Variants in SH2D1A observed in about 807,000 individuals in gnomAD.
SH2D1A encodes SH2 domain-containing protein 1A.
A neutral mutation model predicts 10.1 loss-of-function variants in SH2D1A; 6 were observed. That is an observed-to-expected ratio of 0.60 (90% CI 0.33 to 1.18). The LOEUF (loss-of-function observed/expected upper bound fraction) is 1.18. Among genes scored for constraint, SH2D1A ranks in the 50% most tolerant of loss-of-function variants. The pLI, the probability that SH2D1A is intolerant of heterozygous loss-of-function variation, is 0.04. For synonymous variants in SH2D1A, 42 were observed against 36.9 expected, an observed-to-expected ratio of 1.14 and a Z score of -0.51; for missense variants, 51 against 97.6, an observed-to-expected ratio of 0.52 and a Z score of 2.01.
chrX:124,352,779 T>C (rs539769001), intron 1 of SH2D1A, among the ~76,000 whole-genome samples: 1 of 111,470 alleles, frequency 9.0e-6, no homozygotes, highest in African/African-American at 3.3e-5. Context: ...TTTTGATAGA[T>C]ACCCTGTAGT....
chrX:124,347,167 A>G (rs957946038), intron 1 of SH2D1A, among the ~76,000 whole-genome samples: 1 of 111,512 alleles, frequency 9.0e-6, no homozygotes, highest in Non-Finnish European at 1.9e-5. Context: ...CTCTCTTTAA[A>G]CGACTTTTGA....
At chrX:124,360,103 A>G (rs1448855257) in intron 1 of SH2D1A, among the ~76,000 whole-genome samples, 1 of 110,802 alleles carries the variant, frequency 9.0e-6, no homozygotes, top group Non-Finnish European at 1.9e-5. Flanking sequence ...ATGGGGTTTC[A>G]CCATGTTGGC....
intron 1 of SH2D1A, among the ~76,000 whole-genome samples, chrX:124,351,638 A>T (rs1298234921): frequency 9.1e-6 from 1 of 109,398 alleles, no homozygotes; most frequent in Non-Finnish European, 1.9e-5. Context: ...TTATATTTAC[A>T]CTCTATCTCT....
intron 1 of SH2D1A, among the ~76,000 whole-genome samples, chrX:124,353,449 AT>A (rs1382998958): frequency 9.0e-6 from 1 of 110,922 alleles, no homozygotes; most frequent in Non-Finnish European, 1.9e-5. Context: ...TCTTGTATTT[AT>A]CCAGTGTACT....
chrX:124,356,783 C>T (rs747140116), intron 1 of SH2D1A, among the ~76,000 whole-genome samples: 1 of 112,335 alleles, frequency 8.9e-6, no homozygotes, highest in African/African-American at 3.2e-5. Context: ...AAACCTTCAC[C>T]TTTGACATAG....
chrX:124,355,398 A>G (rs2060024041), intron 1 of SH2D1A, among the ~76,000 whole-genome samples: 1 of 112,269 alleles, frequency 8.9e-6, no homozygotes. Context: ...CTAGATTAAC[A>G]CATGCTTTAT....
intron 1 of SH2D1A, among the ~76,000 whole-genome samples, chrX:124,347,519 T>G (rs766711355): frequency 8.9e-6 from 1 of 112,031 alleles, no homozygotes; most frequent in Admixed American, 9.4e-5. Context: ...TGAATCAAAT[T>G]CATCTGCGTC....
intron 1 of SH2D1A, among the ~76,000 whole-genome samples, chrX:124,359,828 C>A (rs1342051401): frequency 1.8e-5 from 2 of 111,909 alleles, no homozygotes; most frequent in African/African-American, 6.5e-5. Context: ...TGTCACGAAT[C>A]AAGTAAATCT....
At chrX:124,355,925 T>A (rs1325144718) in intron 1 of SH2D1A, among the ~76,000 whole-genome samples, 4 of 111,389 alleles carry the variant, frequency 3.6e-5, no homozygotes, top group African/African-American at 1.3e-4. Context: ...GTGTTTTTTT[T>A]AATACTTTAA....
intron 1 of SH2D1A, among the ~76,000 whole-genome samples, chrX:124,348,288 G>A (rs1033221463): frequency 6.3e-5 from 7 of 111,320 alleles, no homozygotes; most frequent in Non-Finnish European, 9.4e-5. Context: ...AAAGAAGGTG[G>A]AGTGAGTGGG....
At chrX:124,367,735 A>G (rs1266606888) in intron 2 of SH2D1A, 4 of 111,757 alleles carry the variant, frequency 3.6e-5, no homozygotes, top group African/African-American at 1.3e-4. Flanking sequence ...GACAGATATC[A>G]TGTGTTTTTC....
Position 124,370,329 on chromosome X carries a change from T to G in SH2D1A, c.346+9T>G. On this transcript the variant is annotated intron_variant, in intron 3 of 3. Transcript: ENST00000371139. ...TACACAAGGTACTACAGGTATGATT[T>G]CCTCTTAATTTTTGACAGGGTTTGG... 8.4e-7 allele frequency: 1 copy of G among 1,194,655 alleles called. No individual in the cohort carries two copies. Among genetic ancestry groups the G allele is most frequent in the Non-Finnish European group, 1.1e-6 (1 of 879,963 alleles).
chrX:124,371,373 C>G lies in SH2D1A; in HGVS notation c.369C>G (p.Val123=). The change falls in exon 4 of 4, where the codon GTC becomes GTG. Residue 123 remains valine (V), a synonymous_variant. Coordinates refer to ENST00000371139, the MANE Select transcript of SH2D1A (RefSeq NM_002351.5). ...GTTGIREDPD[V]CLKAP ...TAGGGATAAGAGAAGATCCTGATGT[C>G]TGCCTGAAAGCCCCATGAAGAAAAA... The G allele has an allele frequency of 8.5e-7, 1 of 1,169,911 alleles. No individual in the cohort carries two copies. The highest frequency in any genetic ancestry group is 1.8e-5 in the South Asian group (1 of 54,836).
rs1457875136 is a variant in SH2D1A, at chrX:124,372,649, T to G, written c.*1258T>G. On this transcript the variant is annotated 3_prime_UTR_variant, in exon 4 of 4. Transcript: ENST00000371139. Reference sequence around the variant, plus strand: ...CAGATAGATAGGTCAGTGCAAATACTCTGGTCCATGGGCCATATGAAAAGG... The same window carrying G: ...CAGATAGATAGGTCAGTGCAAATACGCTGGTCCATGGGCCATATGAAAAGG... 5.9e-6 allele frequency: 1 copy of G among 169,071 alleles called. No homozygotes were observed. The highest frequency in any genetic ancestry group is 1.1e-5 in the Non-Finnish European group (1 of 88,107). 13.9% of individuals were successfully genotyped at this position (169,071 alleles called of 1,213,427 possible).
In SH2D1A at chrX:124,371,641, CA is replaced by C; in HGVS notation, c.*254del. The C allele has an allele frequency of 4.1e-6, 1 of 245,428 alleles. No homozygotes were observed. The allele number at this position is 245,428 out of a possible 1,213,427, so 20.2% of individuals were successfully genotyped here. On this transcript the variant is annotated 3_prime_UTR_variant, in exon 4 of 4. Coordinates refer to ENST00000371139, the MANE Select transcript of SH2D1A (RefSeq NM_002351.5). ...AGTTATTATATTTACAAATGGGAAA[CA>C]AAAGGATAATGAATACTTTATAAAG...
chrX:124,365,898 GCAAA>G, intron 2 of SH2D1A, 74 bp downstream of exon 2: 2 of 630,626 alleles, frequency 3.2e-6, no homozygotes, highest in Non-Finnish European at 5.4e-6. Flanking sequence ...TTATAAAAGA[GCAAA>G]TTATACATTA....
chrX:124,361,886 C>G (rs1283629912), intron 1 of SH2D1A, among the ~76,000 whole-genome samples: 1 of 111,599 alleles, frequency 9.0e-6, no homozygotes, highest in Non-Finnish European at 1.9e-5. Flanking sequence ...GGAACTTAAA[C>G]ATTTGGAAAA....
chrX:124,357,723 T>C (rs1035585262), intron 1 of SH2D1A, among the ~76,000 whole-genome samples: 3 of 112,385 alleles, frequency 2.7e-5, no homozygotes, highest in Non-Finnish European at 5.6e-5. Context: ...TGCATTTTTC[T>C]GATGATTAGT....
At chrX:124,348,507 C>G (rs1227891544) in intron 1 of SH2D1A, among the ~76,000 whole-genome samples, 1 of 111,427 alleles carries the variant, frequency 9.0e-6, no homozygotes, top group African/African-American at 3.3e-5. Context: ...GATTTCTGCG[C>G]TTATTGTTCC....
Sources: gnomAD v4.1 joint callset for allele counts (sites outside exome capture counted in the v4.1 genomes callset) on GRCh38, gnomAD v4.1.1 for gene constraint, MANE v1.5 for transcripts, NCBI Gene and HGNC (gene_info 2026-07-23, HGNC 2026-07-21) for gene names.